CERS4: variants seen among roughly 807,000 people sequenced by gnomAD.
CERS4 encodes ceramide synthase 4, also known as LAG1 homolog, ceramide synthase 4.
Under a neutral mutation model 51.8 loss-of-function variants are expected in CERS4, and 65 were observed. That is an observed-to-expected ratio of 1.26 (90% CI 1.03 to 1.54). The LOEUF (loss-of-function observed/expected upper bound fraction) is 1.54. Ranked by LOEUF, CERS4 falls within the 40% of genes most tolerant of loss-of-function variation. CERS4 has a pLI of 0.00. For synonymous variants in CERS4, 228 were observed against 208.4 expected, an observed-to-expected ratio of 1.09 and a Z score of -0.81; for missense variants, 563 against 500.4, an observed-to-expected ratio of 1.13 and a Z score of -1.19.
intron 2 of CERS4, among the ~76,000 whole-genome samples, chr19:8,245,118 A>ACAAAAAAAACAAAAAAAAC (rs768473172): frequency 8.1e-6 from 1 of 124,098 alleles, no homozygotes; most frequent in African/African-American, 2.8e-5. Context: ...TCTCAAAAAA[A>ACAAAAAAAACAAAAAAAAC]AAAAAAAAAA....
intron 2 of CERS4, 167 bp from the exon 3 acceptor site, chr19:8,250,909 C>G: frequency 1.4e-6 from 2 of 1,444,330 alleles, no homozygotes; most frequent in South Asian, 3.1e-5. Flanking sequence ...GAGGACAGTT[C>G]CAAAGTCCCA....
chr19:8,255,198 G>A (rs375845835), intron 4 of CERS4, among the ~76,000 whole-genome samples: 1 of 152,116 alleles, frequency 6.6e-6, no homozygotes, highest in East Asian at 1.9e-4. Context: ...CTTCCGCAGA[G>A]CTAGACGTGA....
At chr19:8,246,534 C>T (rs902466655) in intron 2 of CERS4, among the ~76,000 whole-genome samples, 1 of 151,904 alleles carries the variant, frequency 6.6e-6, no homozygotes, top group African/African-American at 2.4e-5. Context: ...GCCTGGGTGA[C>T]AGAGTGAGAC....
At chr19:8,254,410 G>GT in intron 3 of CERS4, 89 bp from the exon 4 acceptor site, 1 of 1,248,056 alleles carries the variant, frequency 8.0e-7, no homozygotes, top group Admixed American at 1.8e-5. Flanking sequence ...CCGAGACTTG[G>GT]TTATCCCACC....
rs1969393231 is a variant in CERS4 at position 8,256,547 on chromosome 19, G to GC, written c.520-68dup. The GC allele has an allele frequency of 3.5e-6, 5 of 1,412,396 alleles. No homozygotes were observed. In the South Asian group the frequency reaches 6.4e-5, roughly 18 times the overall value. The allele number at this position is 1,412,396 out of a possible 1,614,324, so 87.5% of individuals were successfully genotyped here. On this transcript the variant is annotated intron_variant, in intron 7 of 11. Coordinates refer to ENST00000251363, the MANE Select transcript of CERS4 (RefSeq NM_024552.3). The stretch of plus-strand genomic sequence containing the variant: ...TCCTGGTTTTGAGCAAACGGAGTGG[G>GC]CCCGGAGCCATACCCCTGCCCGATT...
chr19:8,251,898 C>T (rs989273466), intron 3 of CERS4, among the ~76,000 whole-genome samples: 1 of 151,824 alleles, frequency 6.6e-6, no homozygotes, highest in Non-Finnish European at 1.5e-5. Context: ...TTTCCAGTTT[C>T]AAACGCAGGG....
intron 2 of CERS4, among the ~76,000 whole-genome samples, chr19:8,211,890 CAAA>C (rs57231018): frequency 2.0e-4 from 15 of 75,530 alleles, no homozygotes; most frequent in South Asian, 1.3e-3. Flanking sequence ...AGACTATCTC[CAAA>C]AAAAAAAAAA....
chr19:8,262,012 A>G lies in CERS4; in HGVS notation c.1088A>G (p.Lys363Arg). The change falls in exon 12 of 12, where the codon AAG (lysine) becomes AGG (arginine). Residue 363 changes from lysine (K) to arginine (R), a missense_variant. By Grantham distance (26) the Lys-to-Arg change is conservative (BLOSUM62 2). Coordinates refer to ENST00000251363, the MANE Select transcript of CERS4 (RefSeq NM_024552.3). ...GCGGCCCAGGAACCTCTGCAGCTAA[A>G]GAACGGGGCAGCTGGAGGGCCCAGG... ...AAAAQEPLQL[K>R]NGAAGGPRPA... 1 of 1,589,896 alleles carries G rather than the reference A, an allele frequency of 6.3e-7. No individual in the cohort carries two copies. Among genetic ancestry groups the G allele is most frequent in the Non-Finnish European group, 8.6e-7 (1 of 1,169,462 alleles).
At chr19:8,231,853 T>TTTA (rs1456889204) in intron 2 of CERS4, among the ~76,000 whole-genome samples, 1 of 35,984 alleles carries the variant, frequency 2.8e-5, no homozygotes, top group Non-Finnish European at 7.1e-5. Context: ...TGCCCAGCAT[T>TTTA]TTTTTTTTTT....
intron 10 of CERS4, chr19:8,261,148 CG>C (rs1969677696): frequency 6.4e-6 from 1 of 156,238 alleles, no homozygotes. Context: ...TCCCAGCCTC[CG>C]TGGGAGACAA....
At chr19:8,251,712 G>T (rs1367051227) in intron 3 of CERS4, among the ~76,000 whole-genome samples, 1 of 152,024 alleles carries the variant, frequency 6.6e-6, no homozygotes, top group East Asian at 1.9e-4. Flanking sequence ...GCTGAGGCAG[G>T]AGAATCGCCT....
At position 8,254,630 on chromosome 19, in the gene CERS4, A is replaced by G. The variant is rs771777369; in HGVS notation, c.291+14A>G. ...AGGCCCAAGGAGGTGAGAGCCCCCC[A>G]TGCCCTCCGACCCGCACTACTGCCC... On this transcript the variant is annotated intron_variant, in intron 4 of 11. Transcript: ENST00000251363. 6.3e-7 allele frequency: 1 copy of G among 1,591,772 alleles called. No homozygotes were observed. The highest frequency in any genetic ancestry group is 1.1e-5 in the South Asian group (1 of 88,526).
At chr19:8,256,333 T>G in intron 7 of CERS4, 47 bp downstream of exon 7, 2 of 1,600,962 alleles carry the variant, frequency 1.2e-6, no homozygotes, top group South Asian at 1.1e-5. Flanking sequence ...AGGGCGATGA[T>G]CACAGTTGCT....
chr19:8,224,061 C>T (rs1193071362), intron 2 of CERS4, among the ~76,000 whole-genome samples: 1 of 144,576 alleles, frequency 6.9e-6, no homozygotes, highest in Non-Finnish European at 1.5e-5. Flanking sequence ...GAGATCACAC[C>T]ACTGCACTCC....
intron 2 of CERS4, among the ~76,000 whole-genome samples, 199 bp downstream of exon 2, chr19:8,211,061 C>T (rs936568623): frequency 6.6e-6 from 1 of 151,776 alleles, no homozygotes; most frequent in Non-Finnish European, 1.5e-5. Context: ...CCTAAGGAAC[C>T]GGAGAGGGTT....
intron 2 of CERS4, among the ~76,000 whole-genome samples, chr19:8,230,043 G>A (rs186954282): frequency 3.9e-5 from 6 of 152,012 alleles, no homozygotes; most frequent in Admixed American, 1.3e-4. Flanking sequence ...CTTCTTCTGT[G>A]TGTTTATGTG....
In CERS4 at chr19:8,259,516, G is replaced by C. The variant is rs376684990; in HGVS notation, c.848+1531G>C. 3.9e-5 allele frequency among the ~76,000 whole-genome samples: 6 copies of C among 152,222 alleles called. 1 individual carries two copies. The highest frequency in any genetic ancestry group is 1.4e-4 in the African/African-American group (6 of 41,556). On this transcript the variant is annotated intron_variant, in intron 10 of 11. Coordinates refer to ENST00000251363, the MANE Select transcript of CERS4 (RefSeq NM_024552.3). ...AAGCAGAGGGATTCAATCTGACCTA[G>C]GTGTTCTGGGTGCCCTTTGGCAGCT... is the stretch of plus-strand genomic sequence containing the variant.
At chr19:8,227,328 G>GT (rs1398808805) in intron 2 of CERS4, among the ~76,000 whole-genome samples, 2 of 151,564 alleles carry the variant, frequency 1.3e-5, no homozygotes, top group African/African-American at 2.4e-5. Context: ...TATGATTCAG[G>GT]TTTTTTTTCT....
chr19:8,259,026 C>A (rs185625958), intron 10 of CERS4, among the ~76,000 whole-genome samples: 4 of 151,886 alleles, frequency 2.6e-5, no homozygotes, highest in Non-Finnish European at 5.9e-5. Context: ...CCCAGCTACT[C>A]GGGAGGCTAA....
Sources: gnomAD v4.1 joint callset for allele counts (sites outside exome capture counted in the v4.1 genomes callset) on GRCh38, gnomAD v4.1.1 for gene constraint, MANE v1.5 for transcripts, NCBI Gene and HGNC (gene_info 2026-07-23, HGNC 2026-07-21) for gene names.